The following HCRTR2 variants were observed in gnomAD, a reference collection of about 807,000 sequenced individuals.
HCRTR2 encodes hypocretin receptor 2.
In HCRTR2, 22 loss-of-function variants were observed where a neutral mutation model predicts 49.0. That is an observed-to-expected ratio of 0.45 (90% CI 0.32 to 0.64). HCRTR2 has a LOEUF of 0.64. Among genes scored for constraint, HCRTR2 ranks in the 30% least tolerant of loss-of-function variants. The pLI, the probability that HCRTR2 is intolerant of heterozygous loss-of-function variation, is 0.04. For synonymous variants in HCRTR2, 236 were observed against 205.3 expected (o/e 1.15, Z -1.28); for missense variants, 491 against 559.4 (o/e 0.88, Z 1.23).
intron 1 of HCRTR2, among the ~76,000 whole-genome samples, chr6:55,162,703 CAGAG>C (rs1184738252): frequency 6.6e-6 from 1 of 152,132 alleles, no homozygotes; most frequent in Non-Finnish European, 1.5e-5. Context: ...AATAGACAAA[CAGAG>C]AGCCAAATCA....
At chr6:55,279,134 C>T (rs1767137540) in intron 5 of HCRTR2, among the ~76,000 whole-genome samples, 1 of 151,832 alleles carries the variant, frequency 6.6e-6, no homozygotes, top group African/African-American at 2.4e-5. Flanking sequence ...TACTCTTTTC[C>T]ACAACATAAA....
chr6:55,267,978 T>G (rs1220173777), intron 4 of HCRTR2, among the ~76,000 whole-genome samples: 1 of 152,182 alleles, frequency 6.6e-6, no homozygotes, highest in Non-Finnish European at 1.5e-5. Context: ...TTATCTGATG[T>G]AAAGAACAAC....
intron 1 of HCRTR2, among the ~76,000 whole-genome samples, chr6:55,222,905 T>C (rs946834641): frequency 6.6e-6 from 1 of 152,190 alleles, no homozygotes; most frequent in Non-Finnish European, 1.5e-5. Context: ...TTCACTTAAA[T>C]ATGTGTTAGG....
chr6:55,227,736 G>A lies in HCRTR2; in HGVS notation c.224-20903G>A, dbSNP rs118005126. Among the ~76,000 whole-genome samples, 184 of 152,168 alleles carry A rather than the reference G, an allele frequency of 1.2e-3. 2 individuals are homozygous for A. Among genetic ancestry groups the A allele is most frequent in the East Asian group, 0.011 (58 of 5,166 alleles). On this transcript the variant is annotated intron_variant, in intron 1 of 6. Coordinates refer to ENST00000370862, the MANE Select transcript of HCRTR2 (RefSeq NM_001384272.1). ...TTAGATGCTGTTGGTTATACTTGGC[G>A]GGGGGAAAGGGGACACTAAAAAGGA...
chr6:55,282,279 ACCATCG>A lies in HCRTR2; in HGVS notation c.1164_1169del (p.His388_Arg389del). 6.2e-7 allele frequency: 1 copy of A among 1,613,876 alleles called. No individual in the cohort carries two copies. Among genetic ancestry groups the A allele is most frequent in the East Asian group, 2.2e-5 (1 of 44,856 alleles). On this transcript the variant is annotated inframe_deletion, in exon 7 of 7. Transcript: ENST00000370862. Reference sequence around the variant, plus strand: ...TTTTCTTGCTGTTGCCTTGGAGTTCACCATCGCCAGGAGGATCGGCTCACCAGGGGA... The same window carrying A: ...TTTTCTTGCTGTTGCCTTGGAGTTCACCAGGAGGATCGGCTCACCAGGGGA...
At chr6:55,249,137 A>C (rs1766502746) in intron 2 of HCRTR2, among the ~76,000 whole-genome samples, 1 of 152,128 alleles carries the variant, frequency 6.6e-6, no homozygotes, top group Non-Finnish European at 1.5e-5. Context: ...GATTTTGCGC[A>C]AACTTTTTTG....
chr6:55,191,928 T>C (rs181807749), intron 1 of HCRTR2, among the ~76,000 whole-genome samples: 1 of 152,294 alleles, frequency 6.6e-6, no homozygotes, highest in African/African-American at 2.4e-5. Flanking sequence ...CTTCAAAGAA[T>C]AGGTGTTACC....
At position 55,133,639 on chromosome 6, in the gene HCRTR2, CATGTATTT is replaced by C. The variant is rs1004150079; in HGVS notation, c.-378+27097_-378+27104del. On this transcript the variant is annotated intron_variant, in intron 1 of 7. Transcript: ENST00000615358. ...GAACGAAGACATAGCTATATATCTA[CATGTATTT>C]ATCTATCTATCTATCATCTATCTAT... Among the ~76,000 whole-genome samples the C allele has an allele frequency of 2.7e-5, 4 of 149,322 alleles. No individual in the cohort carries two copies. The South Asian group carries it at 8.5e-4, about 32-fold the overall frequency.
At position 55,280,503 on chromosome 6, in the gene HCRTR2, G is replaced by A. The variant is rs557336853; in HGVS notation, c.1105+59G>A. ...TTGTAACCAAGGATGAGGAATCAATGAACACTCTTCAACTATATGAGGAGT... is the reference window on the plus strand; with the variant it reads ...TTGTAACCAAGGATGAGGAATCAATAAACACTCTTCAACTATATGAGGAGT... On this transcript the variant is annotated intron_variant, in intron 6 of 6. Transcript: ENST00000370862. 29 of 1,603,814 alleles carry A rather than the reference G, an allele frequency of 1.8e-5. No homozygotes were observed. The East Asian group carries it at 2.5e-4, about 14-fold the overall frequency.
chr6:55,130,534 C>T (rs933010547), intron 1 of HCRTR2, among the ~76,000 whole-genome samples: 66 of 151,716 alleles, frequency 4.4e-4, no homozygotes, highest in Admixed American at 4.3e-3. Context: ...AATTCTCTTC[C>T]TTCTGTTTAT....
chr6:55,154,295 C>T (rs571187640), intron 1 of HCRTR2, among the ~76,000 whole-genome samples: 95 of 151,860 alleles, frequency 6.3e-4, no homozygotes, highest in African/African-American at 2.1e-3. Context: ...ATTCTGATAC[C>T]AAAACTACGC....
intron 1 of HCRTR2, among the ~76,000 whole-genome samples, chr6:55,215,682 G>T (rs1266162622): frequency 6.6e-6 from 1 of 152,198 alleles, no homozygotes; most frequent in Non-Finnish European, 1.5e-5. Flanking sequence ...CATACCATGT[G>T]TGGAGGGGAG....
intron 1 of HCRTR2, among the ~76,000 whole-genome samples, chr6:55,189,555 C>T (rs569682536): frequency 2.5e-4 from 38 of 152,308 alleles, no homozygotes; most frequent in Non-Finnish European, 5.1e-4. Flanking sequence ...AAACTAAACA[C>T]TGCATGTTCT....
intron 1 of HCRTR2, among the ~76,000 whole-genome samples, chr6:55,164,824 T>C (rs1764854217): frequency 6.6e-6 from 1 of 151,822 alleles, no homozygotes; most frequent in Non-Finnish European, 1.5e-5. Context: ...ACTATATAAG[T>C]CACTGGAGAC....
intron 1 of HCRTR2, among the ~76,000 whole-genome samples, chr6:55,214,002 T>C (rs891893843): frequency 2.0e-5 from 3 of 152,034 alleles, no homozygotes; most frequent in Non-Finnish European, 4.4e-5. Flanking sequence ...AATGAGTTTT[T>C]ACCACACCAA....
intron 1 of HCRTR2, among the ~76,000 whole-genome samples, chr6:55,144,724 T>G (rs1764556255): frequency 6.6e-6 from 1 of 151,678 alleles, no homozygotes; most frequent in Admixed American, 6.6e-5. Flanking sequence ...ACCCCTGGTC[T>G]AGAGGATCTT....
chr6:55,252,374 C>T (rs1766566381), intron 2 of HCRTR2, among the ~76,000 whole-genome samples: 1 of 152,092 alleles, frequency 6.6e-6, no homozygotes, highest in Non-Finnish European at 1.5e-5. Flanking sequence ...CTACATCTAT[C>T]CCATTTATCC....
rs534917268 is a variant in HCRTR2, at chr6:55,248,408, AAATACAGCCTTAT to A, written c.224-230_224-218del. On this transcript the variant is annotated intron_variant, in intron 1 of 6. Coordinates refer to ENST00000370862, the MANE Select transcript of HCRTR2 (RefSeq NM_001384272.1). Reference sequence around the variant, plus strand: ...TTGCAATTCAAAATCAAGTAAAAATAAATACAGCCTTATGATTTATTGAGAAATGTCATGCAAG... The same window carrying A: ...TTGCAATTCAAAATCAAGTAAAAATAGATTTATTGAGAAATGTCATGCAAG... Among the ~76,000 whole-genome samples, 225 of 152,286 alleles carry A rather than the reference AAATACAGCCTTAT, an allele frequency of 1.5e-3. 1 individual carries two copies. In the Middle Eastern group the frequency reaches 0.017, roughly 12 times the overall value.
intron 1 of HCRTR2, among the ~76,000 whole-genome samples, chr6:55,158,764 G>A (rs192242480): frequency 1.1e-3 from 175 of 152,334 alleles, no homozygotes; most frequent in Admixed American, 2.0e-3. Context: ...GATTCCTCCT[G>A]TCTGGGCAGG....
Sources: allele counts gnomAD v4.1 joint callset (sites outside exome capture counted in the v4.1 genomes callset), GRCh38; gene constraint gnomAD v4.1.1; transcripts MANE v1.5; gene names NCBI Gene and HGNC (gene_info 2026-07-23, HGNC 2026-07-21).